The following TADA3 variants were observed in gnomAD, a reference collection of about 807,000 sequenced individuals.
TADA3 encodes transcriptional adaptor 3.
A neutral mutation model predicts 43.2 loss-of-function variants in TADA3; 25 were observed. That is an observed-to-expected ratio of 0.58 (90% CI 0.42 to 0.81). The LOEUF (loss-of-function observed/expected upper bound fraction) is 0.81, where lower values mean the gene tolerates loss of function less well. Among genes scored for constraint, TADA3 ranks in the 30% least tolerant of loss-of-function variants. TADA3 has a pLI of 0.00. For missense variants in TADA3, 441 were observed against 567.8 expected (o/e 0.78, Z 2.27); for synonymous variants, 235 against 225.5 (o/e 1.04, Z -0.38).
upstream of TADA3, chr3:9,792,620 C>G (rs2078766327): frequency 8.1e-7 from 1 of 1,230,418 alleles, no homozygotes; most frequent in South Asian, 4.0e-5. Flanking sequence ...AGGCGAGCCC[C>G]GGGGCACAGC....
At chr3:9,790,736 C>G (rs2078709337) in intron 2 of TADA3, among the ~76,000 whole-genome samples, 1 of 152,200 alleles carries the variant, frequency 6.6e-6, no homozygotes, top group East Asian at 1.9e-4. Context: ...CACAAAAGCA[C>G]TAAGGTAGGT....
intron 6 of TADA3, among the ~76,000 whole-genome samples, chr3:9,785,931 T>C (rs540466132): frequency 2.8e-5 from 4 of 145,246 alleles, no homozygotes; most frequent in Admixed American, 2.0e-4. Context: ...CACTCCTCCT[T>C]GTTTTGTTTT....
Position 9,780,185 on chromosome 3 carries a change from C to T in TADA3, c.*172G>A. 1 of 611,152 alleles carries T rather than the reference C, an allele frequency of 1.6e-6. No individual in the cohort carries two copies. The highest frequency in any genetic ancestry group is 3.2e-5 in the Admixed American group (1 of 31,428). The allele number at this position is 611,152 out of a possible 1,614,324, so 37.9% of individuals were successfully genotyped here. ...GCTAGCCCAGCAGGGCTTCCTGTGT[C>T]CTGGTTGTACAGAGCTAGGCCAAAA... On this transcript the variant is annotated 3_prime_UTR_variant, in exon 9 of 9. Transcript: ENST00000301964.
At chr3:9,792,830 G>C (rs1361164377), upstream of TADA3, 1 of 1,357,004 alleles carries the variant, frequency 7.4e-7, no homozygotes, top group Admixed American at 3.6e-5. Flanking sequence ...ACCTGGGGGA[G>C]GCTGTGGCAA....
At chr3:9,789,135 C>T (rs55807755) in intron 4 of TADA3, among the ~76,000 whole-genome samples, 1 of 152,008 alleles carries the variant, frequency 6.6e-6, no homozygotes, top group Non-Finnish European at 1.5e-5. Context: ...TGCTCCCAGC[C>T]CAAGTTTTAT....
intron 8 of TADA3, 32 bp downstream of exon 8, chr3:9,783,996 C>A: frequency 6.3e-7 from 1 of 1,598,688 alleles, no homozygotes; most frequent in Non-Finnish European, 8.6e-7. Context: ...TCCAAGGCCA[C>A]CCCCGGGACT....
At chr3:9,780,933 G>A (rs1219673225) in intron 8 of TADA3, among the ~76,000 whole-genome samples, 1 of 152,122 alleles carries the variant, frequency 6.6e-6, no homozygotes. Context: ...GAGCCCAGGA[G>A]TTCGAGACCA....
At chr3:9,783,405 C>G (rs1276995428) in intron 8 of TADA3, 1 of 151,616 alleles carries the variant, frequency 6.6e-6, no homozygotes, top group Non-Finnish European at 1.5e-5. Context: ...CTGCAACCTC[C>G]GCCTCCCAGG....
chr3:9,782,806 A>AAG (rs2078510176), intron 8 of TADA3, among the ~76,000 whole-genome samples: 1 of 150,634 alleles, frequency 6.6e-6, no homozygotes. Context: ...AAAAAAAAAA[A>AAG]GGCCAAATGA....
chr3:9,780,502 C>T lies in TADA3; in HGVS notation c.1154G>A (p.Arg385His), dbSNP rs776473686. The T allele has an allele frequency of 1.7e-5, 27 of 1,608,436 alleles. No individual in the cohort carries two copies. In the Admixed American group the frequency reaches 2.8e-4, roughly 17 times the overall value. Residue 385 changes from arginine to histidine, a missense_variant, in exon 9 of 9, where the codon CGC becomes CAC. Transcript: ENST00000301964. ...VSRQELRQRV[R>H]MADNEVMDAF... ...GTCCATGACCTCGTTGTCAGCCATG[C>T]GCACCCGCTGCCTCAGCTCCTGCCG...
At position 9,784,043 on chromosome 3, in the gene TADA3, T is replaced by C; in HGVS notation, c.1091A>G (p.Lys364Arg). 1 of 1,613,966 alleles carries C rather than the reference T, an allele frequency of 6.2e-7. No individual in the cohort carries two copies. Among genetic ancestry groups the C allele is most frequent in the South Asian group, 1.1e-5 (1 of 91,056 alleles). The part of the protein sequence containing the change: ...KALSAHNRTK[K>R]HDLLRLAKEE... ...TAACGCTCACCTCAGCAGGTCGTGC[T>C]TCTTGGTGCGGTTGTGGGCACTAAG... The change falls in exon 8 of 9, where the codon AAG (lysine) becomes AGG (arginine). Residue 364 changes from lysine (K) to arginine (R), a missense_variant. Transcript: ENST00000301964.
intron 4 of TADA3, 32 bp from the exon 5 acceptor site, chr3:9,787,372 G>C: frequency 1.3e-6 from 2 of 1,577,154 alleles, no homozygotes; most frequent in Non-Finnish European, 1.7e-6. Flanking sequence ...ACCCTGAGTG[G>C]GTAAGCACTG....
At position 9,791,510 on chromosome 3, in the gene TADA3, C is replaced by T. The variant is rs2078732811; in HGVS notation, c.-27-17G>A. On this transcript the variant is annotated splice_polypyrimidine_tract_variant and intron_variant, in intron 1 of 8. Coordinates refer to ENST00000301964, the MANE Select transcript of TADA3 (RefSeq NM_006354.5). ...CCTGTGGAGCTGGAGAGGACAGGGC[C>T]ATTGATGGGAGACAAAGTGGTCTGA... is the stretch of plus-strand genomic sequence containing the variant. 4.0e-6 allele frequency: 6 copies of T among 1,481,772 alleles called. No individual in the cohort carries two copies. In the East Asian group the frequency reaches 1.4e-4, roughly 34 times the overall value. The allele number at this position is 1,481,772 out of a possible 1,614,324, so 91.8% of individuals were successfully genotyped here.
intron 8 of TADA3, 182 bp downstream of exon 8, chr3:9,783,846 G>C (rs2078539840): frequency 1.8e-6 from 2 of 1,102,754 alleles, no homozygotes; most frequent in African/African-American, 1.6e-5. Context: ...CCACTCTGTG[G>C]AATCAGAATT....
upstream of TADA3, chr3:9,792,498 T>G: frequency 5.8e-6 from 7 of 1,213,584 alleles, no homozygotes; most frequent in Non-Finnish European, 7.2e-6. Context: ...CCCTTGCAGT[T>G]GACGCGGGGG....
intron 4 of TADA3, among the ~76,000 whole-genome samples, chr3:9,788,467 A>T (rs575927762): frequency 6.6e-6 from 1 of 150,578 alleles, no homozygotes. Flanking sequence ...GGATGGTCTC[A>T]ATCTCCTGAC....
At chr3:9,787,777 T>A in intron 4 of TADA3, 1 of 1,184,270 alleles carries the variant, frequency 8.4e-7, no homozygotes, top group Non-Finnish European at 1.1e-6. Context: ...GAGATCAAAG[T>A]GTTGTGGCAG....
rs116945351 is a variant in TADA3, at chr3:9,791,991, C to G, written c.-28+225G>C. On this transcript the variant is annotated intron_variant, in intron 1 of 8. Coordinates refer to ENST00000301964, the MANE Select transcript of TADA3 (RefSeq NM_006354.5). ...TTTTCTTACCCTATTCCACCTTTCTCCCTTCTCTAGTCACTAACAGTGGTT... is the reference window on the plus strand; with the variant it reads ...TTTTCTTACCCTATTCCACCTTTCTGCCTTCTCTAGTCACTAACAGTGGTT... Among the ~76,000 whole-genome samples, 145 of 152,326 alleles carry G rather than the reference C, an allele frequency of 9.5e-4. 2 individuals carry two copies. The East Asian group carries it at 0.022, about 23-fold the overall frequency.
rs756150446 is a variant in TADA3 at position 9,789,590 on chromosome 3, G to A, written c.483C>T (p.Tyr161=). The change falls in exon 4 of 9, where the codon TAC becomes TAT. Residue 161 remains tyrosine (Y), a synonymous_variant. Coordinates refer to ENST00000301964, the MANE Select transcript of TADA3 (RefSeq NM_006354.5). The part of the protein sequence containing the change: ...PNRFWASVEP[Y]CADITSEEVR... ...CCTCCTCGCTGGTGATGTCAGCACA[G>A]TAGGGCTCCACTGAAGCCCAGAACC... The A allele has an allele frequency of 1.2e-6, 2 of 1,614,168 alleles. No individual in the cohort carries two copies. Among genetic ancestry groups the A allele is most frequent in the Non-Finnish European group, 1.7e-6 (2 of 1,180,012 alleles).
Sources: allele counts gnomAD v4.1 joint callset (sites outside exome capture counted in the v4.1 genomes callset), GRCh38; gene constraint gnomAD v4.1.1; transcripts MANE v1.5; gene names NCBI Gene and HGNC (gene_info 2026-07-23, HGNC 2026-07-21).